VWF: variants seen among roughly 807,000 people sequenced by gnomAD.
VWF encodes the protein von Willebrand factor, also known as Factor VIII related antigen.
VWF carries 176 observed loss-of-function variants against 308.6 expected under a neutral mutation model. The ratio of observed to expected loss-of-function variants is 0.57; its 90% CI spans 0.50 to 0.65. The LOEUF (loss-of-function observed/expected upper bound fraction) is 0.65, where lower values mean the gene tolerates loss of function less well. VWF is among the 30% of genes least tolerant of loss of function. VWF has a pLI of 0.00. For synonymous variants in VWF, 1,385 were observed against 1,443.4 expected, an observed-to-expected ratio of 0.96 and a Z score of 0.92; for missense variants, 3,146 against 3,648.2, an observed-to-expected ratio of 0.86 and a Z score of 3.55.
At chr12:6,057,114 A>C in intron 14 of VWF, 42 bp from the exon 15 acceptor site, 3 of 1,492,662 alleles carry the variant, frequency 2.0e-6, no homozygotes, top group South Asian at 1.2e-5. Flanking sequence ...GGTGGGGAGG[A>C]GTGGGGGCCA....
rs1399310176 is a variant in VWF, at chr12:5,994,952, C to T, written c.6064-345G>A. ...GCTGGGAAAGTCGCCTTATTGCCAACTCATCAGAGCAGTGTCTCCAAGAGC... is the reference window on the plus strand; with the variant it reads ...GCTGGGAAAGTCGCCTTATTGCCAATTCATCAGAGCAGTGTCTCCAAGAGC... On this transcript the variant is annotated intron_variant, in intron 35 of 51. Coordinates refer to ENST00000261405, the MANE Select transcript of VWF (RefSeq NM_000552.5). Among the ~76,000 whole-genome samples the T allele has an allele frequency of 3.3e-5, 5 of 152,098 alleles. No homozygotes were observed. The East Asian group carries it at 9.6e-4, about 29-fold the overall frequency.
intron 43 of VWF, among the ~76,000 whole-genome samples, chr12:5,972,565 G>C (rs1943488702): frequency 6.6e-6 from 1 of 152,180 alleles, no homozygotes; most frequent in South Asian, 2.1e-4. Context: ...ACTCTCCCCA[G>C]CAGGGCCGAA....
At position 6,058,208 on chromosome 12, in the gene VWF, G is replaced by A. The variant is rs1396008365; in HGVS notation, c.1534-164C>T. On this transcript the variant is annotated intron_variant, in intron 13 of 51. Coordinates refer to ENST00000261405, the MANE Select transcript of VWF (RefSeq NM_000552.5). The surrounding 1 kb of genome is among the most constrained non-coding windows in gnomAD (Gnocchi z 4.9). ...AGCCCTAGGCTGCAAAAGGGGGGGC[G>A]GGGGAAAGTGAACTGCAGTGTAAAT... 3.3e-5 allele frequency among the ~76,000 whole-genome samples: 5 copies of A among 152,102 alleles called. No homozygotes were observed. The highest frequency in any genetic ancestry group is 7.4e-5 in the Non-Finnish European group (5 of 68,010).
chr12:6,075,481 G>T lies in VWF; in HGVS notation c.728C>A (p.Pro243His). 6.2e-7 allele frequency: 1 copy of T among 1,614,194 alleles called. No individual in the cohort carries two copies. The highest frequency in any genetic ancestry group is 1.1e-5 in the South Asian group (1 of 91,080). ...CTCACACAGGGCCACAAAAGGCTCG[G>T]GGTCCACCAGAGGGTGGCAGCGGGC... ...VFARCHPLVDPEPFVALCEKT... is the reference protein window; with the variant it reads ...VFARCHPLVDHEPFVALCEKT... The change falls in exon 7 of 52, where the codon CCC (proline) becomes CAC (histidine). Residue 243 changes from proline to histidine, a missense_variant. Transcript: ENST00000261405. The surrounding 1 kb of genome is among the most constrained non-coding windows in gnomAD (Gnocchi z 4.7).
rs139320345 is a variant in VWF at position 6,016,859 on chromosome 12, G to T, written c.5065C>A (p.Pro1689Thr). 25 of 1,613,866 alleles carry T rather than the reference G, an allele frequency of 1.5e-5. No homozygotes were observed. In the African/African-American group the frequency reaches 2.7e-4, roughly 17 times the overall value. ...TCCAGGAGAAGGATCACGTCCAGGG[G>T]CTGGCTGCAGTCTGCAAAGACAACC... is the stretch of plus-strand genomic sequence containing the variant. ...TLSPAPDCSQPLDVILLLDGS... is the reference protein window; with the variant it reads ...TLSPAPDCSQTLDVILLLDGS... The change falls in exon 29 of 52, where the codon CCC becomes ACC. Residue 1689 changes from proline (P) to threonine (T), a missense_variant. Transcript: ENST00000261405.
intron 35 of VWF, 96 bp from the exon 36 acceptor site, chr12:5,994,703 T>C: frequency 9.3e-7 from 1 of 1,073,562 alleles, no homozygotes; most frequent in Non-Finnish European, 1.4e-6. Flanking sequence ...TTCATCACAC[T>C]CAACTGCAAC....
intron 47 of VWF, among the ~76,000 whole-genome samples, chr12:5,954,286 A>G (rs917633341): frequency 6.6e-6 from 1 of 152,212 alleles, no homozygotes; most frequent in African/African-American, 2.4e-5. Flanking sequence ...GAAACTTTTG[A>G]TGAGGTTCTG....
intron 41 of VWF, 133 bp from the exon 42 acceptor site, chr12:5,982,124 G>A: frequency 5.1e-6 from 4 of 782,546 alleles, no homozygotes; most frequent in South Asian, 3.3e-5. Flanking sequence ...CAAGCTCACG[G>A]GCTGGGAGTT....
intron 3 of VWF, among the ~76,000 whole-genome samples, chr12:6,115,412 T>G (rs1002683015): frequency 3.3e-5 from 5 of 152,164 alleles, no homozygotes; most frequent in African/African-American, 4.8e-5. Flanking sequence ...AGGAAGAATC[T>G]AAATAAGCGG....
At chr12:6,005,900 A>G (rs1943920216) in intron 34 of VWF, among the ~76,000 whole-genome samples, 3 of 152,254 alleles carry the variant, frequency 2.0e-5, no homozygotes, top group South Asian at 4.1e-4. Flanking sequence ...AATGCTAGGC[A>G]GCAACATGAA....
At chr12:6,040,924 G>A (rs1041634794) in intron 18 of VWF, among the ~76,000 whole-genome samples, 1 of 152,202 alleles carries the variant, frequency 6.6e-6, no homozygotes, top group African/African-American at 2.4e-5. Flanking sequence ...AGGCACCTTA[G>A]AGGAGGAGAG....
intron 5 of VWF, among the ~76,000 whole-genome samples, chr12:6,108,334 T>TATACACACACCC (rs374693235): frequency 8.1e-6 from 1 of 124,158 alleles, no homozygotes; most frequent in Non-Finnish European, 1.7e-5. Context: ...AAGAAATATA[T>TATACACACACCC]ACACACACAC....
intron 6 of VWF, among the ~76,000 whole-genome samples, chr12:6,081,101 C>T (rs1944904423): frequency 6.6e-6 from 1 of 152,204 alleles, no homozygotes; most frequent in African/African-American, 2.4e-5. Flanking sequence ...CTCCTGCGTT[C>T]AGGAAAGGCT....
Position 6,052,654 on chromosome 12 carries a change from C to A in VWF, c.2075G>T (p.Gly692Val). 1.9e-6 allele frequency: 3 copies of A among 1,614,252 alleles called. No homozygotes were observed. Among genetic ancestry groups the A allele is most frequent in the Non-Finnish European group, 2.5e-6 (3 of 1,180,054 alleles). Residue 692 changes from glycine (G) to valine (V), a missense_variant, in exon 16 of 52, where the codon GGG (glycine) becomes GTG (valine). Gly to Val is a moderately radical substitution (Grantham distance 109). Transcript: ENST00000261405. ...GTCCCCCCTCTCATCCATGTAGAGC[C>A]CTGGGGGGCAGAAGCAGCCCTCCAG... ...ACLEGCFCPPGLYMDERGDCV... is the reference protein window; with the variant it reads ...ACLEGCFCPPVLYMDERGDCV...
At chr12:5,991,400 T>G (rs1289711864) in intron 38 of VWF, among the ~76,000 whole-genome samples, 2 of 152,130 alleles carry the variant, frequency 1.3e-5, no homozygotes, top group African/African-American at 4.8e-5. Flanking sequence ...AATACACCTT[T>G]GAAAAACACT....
At chr12:5,978,236 G>T (rs1331454671) in intron 42 of VWF, among the ~76,000 whole-genome samples, 2 of 150,398 alleles carry the variant, frequency 1.3e-5, no homozygotes, top group East Asian at 3.9e-4. Flanking sequence ...TTTTTTTTAG[G>T]ACTAGAAGAA....
chr12:6,092,624 T>TGA (rs1180180618), intron 6 of VWF, among the ~76,000 whole-genome samples: 1,422 of 87,056 alleles, frequency 0.016, 84 homozygotes, highest in African/African-American at 0.068. Context: ...TGAGAGTGTG[T>TGA]GTGTGTGTGT....
chr12:6,040,664 G>T (rs1269234043), intron 18 of VWF, among the ~76,000 whole-genome samples: 1 of 152,158 alleles, frequency 6.6e-6, no homozygotes, highest in African/African-American at 2.4e-5. Flanking sequence ...GTTTCCAGGC[G>T]GTTTCTCTGC....
At chr12:5,965,099 G>A (rs561892602) in intron 47 of VWF, among the ~76,000 whole-genome samples, 49 of 152,282 alleles carry the variant, frequency 3.2e-4, no homozygotes, top group Non-Finnish European at 6.2e-4. Context: ...CCCGTTCAAG[G>A]GGAGGGCAGA....
Sources: gnomAD v4.1 joint callset for allele counts (sites outside exome capture counted in the v4.1 genomes callset) on GRCh38, gnomAD v4.1.1 for gene constraint, Gnocchi (gnomAD v3.1) non-coding constraint, MANE v1.5 for transcripts, NCBI Gene and HGNC (gene_info 2026-07-23, HGNC 2026-07-21) for gene names.